The following HMCN2 variants were observed in gnomAD, a reference collection of about 807,000 sequenced individuals.
HMCN2 encodes hemicentin 2.
Under a neutral mutation model 377.5 loss-of-function variants are expected in HMCN2, and 325 were observed. That is an observed-to-expected ratio of 0.86 (90% confidence interval 0.79 to 0.94). The LOEUF (loss-of-function observed/expected upper bound fraction) is 0.94. Ranked by LOEUF, HMCN2 falls within the 40% of genes least tolerant of loss-of-function variation. HMCN2 has a pLI of 0.00. For missense variants in HMCN2, 4,543 were observed against 4,725.3 expected (o/e 0.96, Z 1.13); for synonymous variants, 2,007 against 2,046.8 (o/e 0.98, Z 0.53).
rs1404951999 is a variant in HMCN2, at chr9:130,278,049, CATT to C, written c.260-6552_260-6550del. 1.0e-4 allele frequency among the ~76,000 whole-genome samples: 12 copies of C among 120,332 alleles called. 1 individual carries two copies. The highest frequency in any genetic ancestry group is 2.5e-4 in the East Asian group (1 of 4,006). 78.9% of individuals were successfully genotyped at this position (120,332 alleles called of 152,430 possible). On this transcript the variant is annotated intron_variant, in intron 1 of 97. Transcript: ENST00000683500. ...CCACGATCATCACCACCACCATCAT[CATT>C]ACCACCACCACCACCACCATCATCA...
chr9:130,278,156 G>C (rs189786803), intron 1 of HMCN2, among the ~76,000 whole-genome samples: 1 of 151,934 alleles, frequency 6.6e-6, no homozygotes, highest in Admixed American at 6.6e-5. Flanking sequence ...ACGCAGTCTC[G>C]CTCTGTCACC....
chr9:130,289,948 C>T (rs782695721), intron 4 of HMCN2, among the ~76,000 whole-genome samples: 5 of 152,202 alleles, frequency 3.3e-5, no homozygotes, highest in Admixed American at 1.3e-4. Flanking sequence ...TCCTCAGCCG[C>T]CCTGGCTGTC....
Position 130,394,470 on chromosome 9 carries a change from G to A in HMCN2, c.10587G>A (p.Gln3529=). 1 of 1,289,844 alleles carries A rather than the reference G, an allele frequency of 7.8e-7. No individual in the cohort carries two copies. The highest frequency in any genetic ancestry group is 1.2e-5 in the South Asian group (1 of 81,028). 79.9% of individuals were successfully genotyped at this position (1,289,844 alleles called of 1,614,324 possible). The change falls in exon 69 of 98, where the codon CAG becomes CAA. Residue 3529 remains glutamine, a synonymous_variant. Transcript: ENST00000683500. This position sits in a 1 kb window ranked among gnomAD's most constrained non-coding sequence, Gnocchi z 5.1. The part of the protein sequence containing the change: ...GAPMELLCDA[Q]GTPQPNITWH... ...CCATGGAGCTCCTCTGTGATGCCCA[G>A]GGCACCCCCCAGCCCAACATCACCT...
chr9:130,343,832 C>G (rs1047083865), intron 25 of HMCN2, among the ~76,000 whole-genome samples: 1 of 152,198 alleles, frequency 6.6e-6, no homozygotes, highest in Non-Finnish European at 1.5e-5. Flanking sequence ...GCCTTGGGCT[C>G]GGAGCGCTCT....
chr9:130,419,121 G>GC, intron 86 of HMCN2, 80 bp downstream of exon 86: 1 of 1,331,496 alleles, frequency 7.5e-7, no homozygotes, highest in Non-Finnish European at 9.8e-7. Context: ...GCTTATGGGA[G>GC]ACCTGTCCCC....
chr9:130,427,593 T>C lies in HMCN2; in HGVS notation c.14039T>C (p.Leu4680Pro). The stretch of plus-strand genomic sequence containing the variant: ...TGCACCTGCCCCACTGGCTTCGCCC[T>C]GGCCTGGGATGACAGGAACTGCAGA... ...FSCTCPTGFALAWDDRNCRDV... is the reference protein window; with the variant it reads ...FSCTCPTGFAPAWDDRNCRDV... Residue 4680 changes from leucine to proline, a missense_variant, in exon 92 of 98, where the codon CTG becomes CCG. By Grantham distance (98) the Leu-to-Pro change is moderately conservative. Transcript: ENST00000683500. 1.3e-6 allele frequency: 2 copies of C among 1,550,368 alleles called. No individual in the cohort carries two copies. The highest frequency in any genetic ancestry group is 2.4e-5 in the South Asian group (2 of 84,036).
Position 130,407,681 on chromosome 9 carries a change from G to A in HMCN2, c.12664G>A (p.Ala4222Thr). ...WAENRVGRTQAVSFVHVKEAP... is the reference protein window; with the variant it reads ...WAENRVGRTQTVSFVHVKEAP... ...GGAGAACAGAGTGGGCCGCACGCAG[G>A]CGGTCAGCTTCGTCCACGTGAAGGG... Residue 4222 changes from alanine to threonine, a missense_variant, in exon 83 of 98, where the codon GCG becomes ACG. This residue lies in a region of HMCN2 where 1,073 missense variants were observed against 1,319.5 expected (regional missense o/e 0.81). Transcript: ENST00000683500. The A allele has an allele frequency of 7.9e-7, 1 of 1,258,040 alleles. No individual in the cohort carries two copies. The highest frequency in any genetic ancestry group is 1.0e-6 in the Non-Finnish European group (1 of 968,700). The allele number at this position is 1,258,040 out of a possible 1,614,324, so 77.9% of individuals were successfully genotyped here.
In HMCN2 at chr9:130,407,692, C is replaced by T. The variant is rs61743642; in HGVS notation, c.12675C>T (p.Phe4225=). 2.9e-3 allele frequency: 3,640 copies of T among 1,249,698 alleles called. 81 individuals are homozygous for T. In the African/African-American group the frequency reaches 0.05, roughly 17 times the overall value. The allele number at this position is 1,249,698 out of a possible 1,614,324, so 77.4% of individuals were successfully genotyped here. A position where few individuals can be genotyped will look rare whatever the true frequency, so the allele number is the denominator to read the frequency against. ...TGGGCCGCACGCAGGCGGTCAGCTT[C>T]GTCCACGTGAAGGGTAGGGCACATT... ...NRVGRTQAVS[F]VHVKEAPVLQ... is the part of the protein sequence containing the mutation. The change falls in exon 83 of 98, where the codon TTC becomes TTT. Residue 4225 remains phenylalanine, a synonymous_variant. Coordinates refer to ENST00000683500, the MANE Select transcript of HMCN2 (RefSeq NM_001291815.2).
intron 54 of HMCN2, among the ~76,000 whole-genome samples, chr9:130,381,048 C>G (rs1841687981): frequency 6.6e-6 from 1 of 152,160 alleles, no homozygotes; most frequent in Non-Finnish European, 1.5e-5. Context: ...GCCCACTTAC[C>G]TCCAACCCTA....
chr9:130,334,786 C>CCTCTCTCTCTCTCTTCT (rs1838646515), intron 22 of HMCN2, among the ~76,000 whole-genome samples: 2 of 130,808 alleles, frequency 1.5e-5, no homozygotes, highest in South Asian at 2.6e-4. Flanking sequence ...TCTCCCTCTT[C>CCTCTCTCTCTCTCTTCT]CTCTCTCTCT....
intron 30 of HMCN2, 21 bp from the exon 31 acceptor site, chr9:130,352,906 C>A: frequency 8.0e-7 from 1 of 1,249,784 alleles, no homozygotes; most frequent in South Asian, 1.4e-5. Flanking sequence ...CTGTGACCAG[C>A]CCCACCTCTT....
At chr9:130,392,978 A>G (rs1588382561) in intron 66 of HMCN2, among the ~76,000 whole-genome samples, 1 of 151,752 alleles carries the variant, frequency 6.6e-6, no homozygotes, top group African/African-American at 2.4e-5. Flanking sequence ...CCTGGGTGAC[A>G]GAGTGAGACA....
At chr9:130,388,260 G>A (rs1842122668) in intron 61 of HMCN2, 149 bp from the exon 62 acceptor site, 1 of 436,668 alleles carries the variant, frequency 2.3e-6, no homozygotes, top group South Asian at 9.5e-5. Flanking sequence ...AAATAGCCAG[G>A]CACTGGTTCT....
At chr9:130,381,543 A>G (rs896522520) in intron 54 of HMCN2, among the ~76,000 whole-genome samples, 1 of 151,972 alleles carries the variant, frequency 6.6e-6, no homozygotes, top group African/African-American at 2.4e-5. Flanking sequence ...GAATTTTTGT[A>G]TTTTTAGTAG....
At chr9:130,376,089 C>T (rs1371559164) in intron 51 of HMCN2, 100 bp downstream of exon 51, 2 of 296,626 alleles carry the variant, frequency 6.7e-6, no homozygotes, top group Non-Finnish European at 1.0e-5. Context: ...CAGGGAGTCT[C>T]CATGTGGCAT....
chr9:130,424,915 T>A lies in HMCN2; in HGVS notation c.13519+2T>A. On this transcript the variant is annotated splice_donor_variant, in intron 88 of 97. Transcript: ENST00000683500. LOFTEE classifies it high-confidence loss of function. Reference sequence around the variant, plus strand: ...AGTCACACGTGGAGTTTGCTACAGGTAAACAGGGCCTCCCCCAGGTGGGCC... The same window carrying A: ...AGTCACACGTGGAGTTTGCTACAGGAAAACAGGGCCTCCCCCAGGTGGGCC... 6.8e-7 allele frequency: 1 copy of A among 1,460,746 alleles called. No individual in the cohort carries two copies. Among genetic ancestry groups the A allele is most frequent in the Non-Finnish European group, 9.1e-7 (1 of 1,100,438 alleles). 90.5% of individuals were successfully genotyped at this position (1,460,746 alleles called of 1,614,324 possible). A position where few individuals can be genotyped will look rare whatever the true frequency, so the allele number is the denominator to read the frequency against.
In HMCN2 at chr9:130,383,562, C is replaced by T. The variant is rs557835792; in HGVS notation, c.8792C>T (p.Ala2931Val). 1.1e-4 allele frequency: 104 copies of T among 986,028 alleles called. No homozygotes were observed. The highest frequency in any genetic ancestry group is 1.2e-4 in the Non-Finnish European group (100 of 830,054). 61.1% of individuals were successfully genotyped at this position (986,028 alleles called of 1,614,324 possible). A position where few individuals can be genotyped will look rare whatever the true frequency, so the allele number is the denominator to read the frequency against. The change falls in exon 57 of 98, where the codon GCG becomes GTG. Residue 2931 changes from alanine to valine, a missense_variant. Ala to Val is a moderately conservative substitution (Grantham distance 64). Coordinates refer to ENST00000683500, the MANE Select transcript of HMCN2 (RefSeq NM_001291815.2). ...ASYMCVAENQ[A>V]GSAEKLFTLR... ...TACATGTGTGTGGCCGAGAACCAGG[C>T]GGGCTCCGCTGAGAAGCTCTTCACC...
chr9:130,380,110 A>G (rs536352143), intron 54 of HMCN2, among the ~76,000 whole-genome samples: 3 of 152,248 alleles, frequency 2.0e-5, no homozygotes, highest in African/African-American at 7.2e-5. Context: ...TCCCGACCTC[A>G]GGTGATCCAC....
intron 7 of HMCN2, among the ~76,000 whole-genome samples, chr9:130,297,192 A>G (rs1554932473): frequency 6.6e-6 from 1 of 152,228 alleles, no homozygotes; most frequent in Non-Finnish European, 1.5e-5. Context: ...CAATGAAAGA[A>G]CACATGCCAG....
Sources: allele counts gnomAD v4.1 joint callset (sites outside exome capture counted in the v4.1 genomes callset), GRCh38; gene constraint gnomAD v4.1.1; regional missense constraint gnomAD v4.1.1; non-coding constraint Gnocchi (gnomAD v3.1); transcripts MANE v1.5; gene names NCBI Gene and HGNC (gene_info 2026-07-23, HGNC 2026-07-21).